Variants in NCALD observed in about 807,000 individuals in gnomAD.
NCALD encodes the protein neurocalcin delta.
In NCALD, 10 loss-of-function variants were observed where a neutral mutation model predicts 18.6. The observed-to-expected ratio is 0.54, with a 90% CI of 0.33 to 0.91. The LOEUF (loss-of-function observed/expected upper bound fraction) is 0.91. Among genes scored for constraint, NCALD ranks in the 40% least tolerant of loss-of-function variants. NCALD has a pLI of 0.03. For missense variants in NCALD, 184 were observed against 247.6 expected (o/e 0.74, Z 1.72); for synonymous variants, 88 against 87.4 (o/e 1.01, Z -0.04).
chr8:102,014,457 G>A (rs964685330), intron 2 of NCALD, among the ~76,000 whole-genome samples: 2 of 151,660 alleles, frequency 1.3e-5, no homozygotes, highest in Admixed American at 1.3e-4. Flanking sequence ...AATTCTGGGG[G>A]GTATACAAAT....
At chr8:101,959,710 G>C (rs1819766113) in intron 2 of NCALD, among the ~76,000 whole-genome samples, 1 of 152,066 alleles carries the variant, frequency 6.6e-6, no homozygotes, top group Non-Finnish European at 1.5e-5. Context: ...TGTTGTTGCA[G>C]GCTCAACTTG....
rs1192054410 is a variant in NCALD at position 101,719,238 on chromosome 8, C to T, written c.378+14G>A. ...TACATGCCCTTCTTTTTTTAAAGGG[C>T]TCAGTCTACGTACCTGCACGATCTC... is the stretch of plus-strand genomic sequence containing the variant. On this transcript the variant is annotated intron_variant, in intron 2 of 3. Transcript: ENST00000220931. 1.2e-6 allele frequency: 2 copies of T among 1,605,976 alleles called. No homozygotes were observed. The highest frequency in any genetic ancestry group is 2.2e-5 in the East Asian group (1 of 44,850).
chr8:102,103,923 A>C (rs78128211), intron 1 of NCALD, among the ~76,000 whole-genome samples: 2,633 of 152,304 alleles, frequency 0.017, 103 homozygotes, highest in African/African-American at 0.06. Context: ...TAAGCTGATA[A>C]TTTGTTCCAA....
intron 2 of NCALD, among the ~76,000 whole-genome samples, chr8:101,918,429 T>G (rs1248332595): frequency 6.6e-6 from 1 of 151,920 alleles, no homozygotes; most frequent in Admixed American, 6.6e-5. Flanking sequence ...AAAAGACAAG[T>G]ATGCCCACTC....
intron 2 of NCALD, among the ~76,000 whole-genome samples, chr8:101,962,242 A>G (rs929487038): frequency 1.3e-5 from 2 of 152,212 alleles, no homozygotes; most frequent in Non-Finnish European, 2.9e-5. Flanking sequence ...TGTCTTATAG[A>G]CAAAGCTGTG....
At chr8:101,740,330 C>T (rs1413185414) in intron 1 of NCALD, among the ~76,000 whole-genome samples, 1 of 152,200 alleles carries the variant, frequency 6.6e-6, no homozygotes, top group Non-Finnish European at 1.5e-5. Context: ...TTCACATACA[C>T]TATTTCAGCA....
chr8:101,755,452 C>T (rs995902982), intron 1 of NCALD, among the ~76,000 whole-genome samples: 1 of 152,214 alleles, frequency 6.6e-6, no homozygotes, highest in African/African-American at 2.4e-5. Context: ...ATGGATCCAA[C>T]AGCCATCAGG....
At chr8:101,820,556 T>C (rs907283306) in intron 4 of NCALD, among the ~76,000 whole-genome samples, 8 of 152,184 alleles carry the variant, frequency 5.3e-5, no homozygotes, top group Admixed American at 3.3e-4. Flanking sequence ...TAGGGTTTTA[T>C]ACTGTAAAAA....
chr8:102,115,472 A>T (rs1371453822), intron 1 of NCALD, among the ~76,000 whole-genome samples: 1 of 152,216 alleles, frequency 6.6e-6, no homozygotes, highest in Non-Finnish European at 1.5e-5. Context: ...ATCAATGCAG[A>T]CAATAAAACA....
intron 2 of NCALD, among the ~76,000 whole-genome samples, chr8:101,981,723 T>C (rs1412611785): frequency 6.6e-6 from 1 of 152,142 alleles, no homozygotes; most frequent in Non-Finnish European, 1.5e-5. Flanking sequence ...AACCTGGCTT[T>C]TTAAGGAACT....
At chr8:102,049,944 T>C (rs971513341) in intron 1 of NCALD, among the ~76,000 whole-genome samples, 1 of 150,750 alleles carries the variant, frequency 6.6e-6, no homozygotes, top group South Asian at 2.1e-4. Context: ...GGGTGGATCA[T>C]GAGGTCAGGA....
At chr8:101,744,804 G>T (rs1308117267) in intron 1 of NCALD, among the ~76,000 whole-genome samples, 1 of 152,040 alleles carries the variant, frequency 6.6e-6, no homozygotes, top group African/African-American at 2.4e-5. Flanking sequence ...CTGGTAAGTG[G>T]ATGAGAATGC....
intron 1 of NCALD, among the ~76,000 whole-genome samples, chr8:102,040,154 T>C (rs1206786792): frequency 3.9e-5 from 6 of 152,158 alleles, no homozygotes; most frequent in African/African-American, 9.7e-5. Context: ...ATAGTGAGGA[T>C]TGGATACATG....
intron 4 of NCALD, among the ~76,000 whole-genome samples, chr8:101,833,167 A>C (rs1310534058): frequency 6.6e-6 from 1 of 152,166 alleles, no homozygotes; most frequent in Non-Finnish European, 1.5e-5. Context: ...AGACTAGACC[A>C]GTGAGTCTCA....
chr8:102,023,146 G>A (rs1045730983), intron 1 of NCALD, among the ~76,000 whole-genome samples: 5 of 152,090 alleles, frequency 3.3e-5, no homozygotes, highest in African/African-American at 1.2e-4. Context: ...AGCATCACCC[G>A]CCCTGAAGGC....
intron 4 of NCALD, among the ~76,000 whole-genome samples, chr8:101,848,561 C>T (rs1048759135): frequency 6.6e-6 from 1 of 152,158 alleles, no homozygotes; most frequent in African/African-American, 2.4e-5. Context: ...TCATGATTCC[C>T]ATAATCTATG....
chr8:101,774,859 G>C (rs1433607903), intron 1 of NCALD, among the ~76,000 whole-genome samples: 1 of 152,130 alleles, frequency 6.6e-6, no homozygotes, highest in East Asian at 1.9e-4. Flanking sequence ...AGGTCTTCTA[G>C]GAAGACAAAG....
chr8:101,769,519 C>A (rs1456942442), intron 1 of NCALD, among the ~76,000 whole-genome samples: 1 of 152,136 alleles, frequency 6.6e-6, no homozygotes, highest in Non-Finnish European at 1.5e-5. Flanking sequence ...GGCGTGCCAT[C>A]CTCGAAGTGG....
chr8:101,856,162 T>C (rs1172068894), intron 4 of NCALD, among the ~76,000 whole-genome samples: 1 of 152,084 alleles, frequency 6.6e-6, no homozygotes, highest in Non-Finnish European at 1.5e-5. Flanking sequence ...GTTTGTTTAT[T>C]TTTGTTTGGT....
Sources: allele counts gnomAD v4.1 joint callset (sites outside exome capture counted in the v4.1 genomes callset), GRCh38; gene constraint gnomAD v4.1.1; transcripts MANE v1.5; gene names NCBI Gene and HGNC (gene_info 2026-07-23, HGNC 2026-07-21).